LRP4: variants seen among roughly 807,000 people sequenced by gnomAD.
LRP4 encodes the protein low-density lipoprotein receptor-related protein 4.
LRP4 carries 95 observed loss-of-function variants against 220.3 expected under a neutral mutation model. The observed-to-expected ratio is 0.43, with a 90% CI of 0.37 to 0.51. The LOEUF (loss-of-function observed/expected upper bound fraction) is 0.51, where lower values mean the gene tolerates loss of function less well. LRP4 is among the 20% of genes least tolerant of loss of function. The pLI is 0.00. For synonymous variants in LRP4, 903 were observed against 954.6 expected (o/e 0.95, Z 1.00); for missense variants, 1,925 against 2,567.0 (o/e 0.75, Z 5.40).
At position 46,898,994 on chromosome 11, in the gene LRP4, A is replaced by ACT; in HGVS notation, c.584_585dup (p.Phe196SerfsTer202). On this transcript the variant is annotated frameshift_variant, in exon 6 of 38. Transcript: ENST00000378623. LOFTEE classifies it high-confidence loss of function. Reference sequence around the variant, plus strand: ...ATGCAGCGTCCATAGGCACACTGGAACTCCTCCAGGTTGCAGGGGGGCGCT... The same window carrying ACT: ...ATGCAGCGTCCATAGGCACACTGGAACTCTCCTCCAGGTTGCAGGGGGGCGCT... 2 of 1,613,556 alleles carry ACT rather than the reference A, an allele frequency of 1.2e-6. No homozygotes were observed. The highest frequency in any genetic ancestry group is 1.7e-6 in the Non-Finnish European group (2 of 1,179,932).
intron 18 of LRP4, among the ~76,000 whole-genome samples, chr11:46,884,841 G>A (rs946777541): frequency 2.0e-5 from 3 of 152,242 alleles, no homozygotes; most frequent in African/African-American, 7.2e-5. Context: ...AACCCAGGGA[G>A]GTGGAGGTTG....
chr11:46,906,485 C>T (rs190947297), intron 1 of LRP4, among the ~76,000 whole-genome samples: 93 of 149,886 alleles, frequency 6.2e-4, no homozygotes, highest in African/African-American at 2.2e-3. Context: ...AAAGATTAGA[C>T]AAGAAAATAA....
chr11:46,918,398 C>A lies in LRP4; in HGVS notation c.-19G>T. On this transcript the variant is annotated 5_prime_UTR_variant, in exon 1 of 38. Coordinates refer to ENST00000378623, the MANE Select transcript of LRP4 (RefSeq NM_002334.4). This position sits in a 1 kb window ranked among gnomAD's most constrained non-coding sequence, Gnocchi z 6.0. The stretch of plus-strand genomic sequence containing the variant: ...GCCTCATGGTGCCGCCCGCGCCGCT[C>A]GCCCGGGGTCCCGCCGGCTCCCGCC... 1 of 1,412,052 alleles carries A rather than the reference C, an allele frequency of 7.1e-7. No individual in the cohort carries two copies. Among genetic ancestry groups the A allele is most frequent in the Non-Finnish European group, 9.2e-7 (1 of 1,084,256 alleles). 87.5% of individuals were successfully genotyped at this position (1,412,052 alleles called of 1,614,324 possible). A position where few individuals can be genotyped will look rare whatever the true frequency, so the allele number is the denominator to read the frequency against.
chr11:46,859,708 A>G (rs1940488538), intron 37 of LRP4, among the ~76,000 whole-genome samples: 1 of 152,202 alleles, frequency 6.6e-6, no homozygotes, highest in Non-Finnish European at 1.5e-5. Context: ...CATGGAATGC[A>G]GTTATCAGGG....
At position 46,886,081 on chromosome 11, in the gene LRP4, C is replaced by A. The variant is rs903790585; in HGVS notation, c.2506+10G>T. 6.2e-7 allele frequency: 1 copy of A among 1,612,764 alleles called. No individual in the cohort carries two copies. Among genetic ancestry groups the A allele is most frequent in the African/African-American group, 1.3e-5 (1 of 74,908 alleles). On this transcript the variant is annotated intron_variant, in intron 18 of 37. Coordinates refer to ENST00000378623, the MANE Select transcript of LRP4 (RefSeq NM_002334.4). ...GGGAGCCAGGCAGGCCACGGCTCCC[C>A]TATGCATACCTGCATCTGTCCAGTA...
chr11:46,912,962 G>A lies in LRP4; in HGVS notation c.52+5366C>T, dbSNP rs749466561. 2.6e-4 allele frequency among the ~76,000 whole-genome samples: 39 copies of A among 152,126 alleles called. 1 individual carries two copies. Among genetic ancestry groups the A allele is most frequent in the Admixed American group, 6.5e-5 (1 of 15,278 alleles). ...TCTTTTGTTTCCGGCTCTGCTTGCCGCTCTGATCCTCAGCTGTGCATAGAG... is the reference window on the plus strand; with the variant it reads ...TCTTTTGTTTCCGGCTCTGCTTGCCACTCTGATCCTCAGCTGTGCATAGAG... On this transcript the variant is annotated intron_variant, in intron 1 of 37. Transcript: ENST00000378623.
intron 25 of LRP4, 111 bp downstream of exon 25, chr11:46,876,355 T>A: frequency 7.9e-7 from 1 of 1,263,420 alleles, no homozygotes; most frequent in Non-Finnish European, 1.2e-6. Flanking sequence ...CCCAGGGAGG[T>A]CACCTTGTTT....
rs1279261341 is a variant in LRP4, at chr11:46,899,750, G to A, written c.430+113C>T. Reference sequence around the variant, plus strand: ...CCTCTGCGTTCCTCTAGCTGCTCCAGATATCTGGGCAGTTGGAGGTTTGGC... The same window carrying A: ...CCTCTGCGTTCCTCTAGCTGCTCCAAATATCTGGGCAGTTGGAGGTTTGGC... On this transcript the variant is annotated intron_variant, in intron 4 of 37. Coordinates refer to ENST00000378623, the MANE Select transcript of LRP4 (RefSeq NM_002334.4). The surrounding 1 kb of genome is among the most constrained non-coding windows in gnomAD (Gnocchi z 5.9). 2 of 950,830 alleles carry A rather than the reference G, an allele frequency of 2.1e-6. No individual in the cohort carries two copies. Among genetic ancestry groups the A allele is most frequent in the Non-Finnish European group, 3.4e-6 (2 of 586,930 alleles). The allele number at this position is 950,830 out of a possible 1,614,324, so 58.9% of individuals were successfully genotyped here. A position where few individuals can be genotyped will look rare whatever the true frequency, so the allele number is the denominator to read the frequency against.
At chr11:46,889,304 A>G in intron 16 of LRP4, 107 bp downstream of exon 16, 2 of 1,448,862 alleles carry the variant, frequency 1.4e-6, no homozygotes, top group Non-Finnish European at 1.9e-6. Context: ...CTCCCTGAGG[A>G]ATGTGGTTTT....
At position 46,879,043 on chromosome 11, in the gene LRP4, G is replaced by T. The variant is rs1317321796; in HGVS notation, c.3005-5C>A. On this transcript the variant is annotated splice_region_variant and splice_polypyrimidine_tract_variant and intron_variant, in intron 21 of 37. Transcript: ENST00000378623. ...CCATAGCACATGGTGTAGACACTGG[G>T]TAGAGAGGAGGGGATGTTCAATGGG... 2 of 1,614,220 alleles carry T rather than the reference G, an allele frequency of 1.2e-6. No individual in the cohort carries two copies. Among genetic ancestry groups the T allele is most frequent in the Non-Finnish European group, 1.7e-6 (2 of 1,180,038 alleles).
chr11:46,880,355 C>G (rs1006690772), intron 20 of LRP4, among the ~76,000 whole-genome samples: 5 of 149,236 alleles, frequency 3.4e-5, no homozygotes, highest in East Asian at 2.0e-4. Flanking sequence ...AAACCCAACA[C>G]TTTGGGAGGT....
intron 34 of LRP4, 91 bp from the exon 35 acceptor site, chr11:46,865,277 G>A (rs1457517242): frequency 1.2e-6 from 1 of 851,146 alleles, no homozygotes; most frequent in Non-Finnish European, 2.0e-6. Flanking sequence ...CCTGTAAGTG[G>A]GGGCTTTCAG....
intron 2 of LRP4, among the ~76,000 whole-genome samples, chr11:46,900,914 G>A (rs2134866608): frequency 6.6e-6 from 1 of 152,096 alleles, no homozygotes; most frequent in East Asian, 1.9e-4. Flanking sequence ...AGCCTCCCGA[G>A]TAGCTGGTGT....
rs148456240 is a variant in LRP4, at chr11:46,896,013, G to C, written c.1054C>G (p.Arg352Gly). Reference sequence around the variant, plus strand: ...ACATTGCAGTTCTCCTCACCCGTCCGGGGCCCTGTGCCAGCCAAGCCAGAG... The same window carrying C: ...ACATTGCAGTTCTCCTCACCCGTCCCGGGCCCTGTGCCAGCCAAGCCAGAG... Reference protein sequence around the residue: ...DESPQQNCRPRTGEENCNVNN... With the variant: ...DESPQQNCRPGTGEENCNVNN... Residue 352 changes from arginine (R) to glycine (G), a missense_variant, in exon 10 of 38, where the codon CGG becomes GGG. Physicochemically the swap from Arg to Gly is moderately radical, Grantham distance 125. Coordinates refer to ENST00000378623, the MANE Select transcript of LRP4 (RefSeq NM_002334.4). The C allele has an allele frequency of 1.2e-6, 2 of 1,614,026 alleles. No homozygotes were observed. Among genetic ancestry groups the C allele is most frequent in the South Asian group, 2.2e-5 (2 of 91,084 alleles).
At chr11:46,887,703 T>G (rs983996761) in intron 16 of LRP4, among the ~76,000 whole-genome samples, 8 of 151,556 alleles carry the variant, frequency 5.3e-5, no homozygotes, top group Non-Finnish European at 1.0e-4. Context: ...TGGTGGCAGG[T>G]GCCTGTAATC....
intron 31 of LRP4, among the ~76,000 whole-genome samples, chr11:46,870,313 G>C (rs1326703670): frequency 6.6e-6 from 1 of 152,092 alleles, no homozygotes; most frequent in Non-Finnish European, 1.5e-5. Context: ...ATGCTTTTTG[G>C]CTAGTGGGAC....
At chr11:46,865,042 A>T (rs1462826658) in intron 35 of LRP4, 77 bp downstream of exon 35, 1 of 1,230,304 alleles carries the variant, frequency 8.1e-7, no homozygotes, top group African/African-American at 1.5e-5. Context: ...GTCCCAATGA[A>T]GGTTATGAAA....
In LRP4 at chr11:46,875,707, G is replaced by T; in HGVS notation, c.3700-26C>A. 6.2e-7 allele frequency: 1 copy of T among 1,611,946 alleles called. No individual in the cohort carries two copies. Among genetic ancestry groups the T allele is most frequent in the Non-Finnish European group, 8.5e-7 (1 of 1,178,154 alleles). On this transcript the variant is annotated intron_variant, in intron 26 of 37. Transcript: ENST00000378623. This position sits in a 1 kb window ranked among gnomAD's most constrained non-coding sequence, Gnocchi z 4.5. Reference sequence around the variant, plus strand: ...CTGCAGAGGAAGGAGAGGGTGGGGGGTGGTGATCAGCAGATTGGGAACTCT... The same window carrying T: ...CTGCAGAGGAAGGAGAGGGTGGGGGTTGGTGATCAGCAGATTGGGAACTCT...
Position 46,873,052 on chromosome 11 carries a change from C to T in LRP4, c.4583+48G>A. ...CCAAGGTTAATCTCAACCATTCTCT[C>T]TTCTGCCCACCCGATTTCCAGGAGG... On this transcript the variant is annotated intron_variant, in intron 30 of 37. Transcript: ENST00000378623. This position sits in a 1 kb window ranked among gnomAD's most constrained non-coding sequence, Gnocchi z 4.2. 1 of 1,613,706 alleles carries T rather than the reference C, an allele frequency of 6.2e-7. No individual in the cohort carries two copies.
Sources: gnomAD v4.1 joint callset for allele counts (sites outside exome capture counted in the v4.1 genomes callset) on GRCh38, gnomAD v4.1.1 for gene constraint, Gnocchi (gnomAD v3.1) non-coding constraint, MANE v1.5 for transcripts, NCBI Gene and HGNC (gene_info 2026-07-23, HGNC 2026-07-21) for gene names.